The following COL8A1 variants were observed in gnomAD, a reference collection of about 807,000 sequenced individuals.
COL8A1 encodes collagen type VIII alpha 1 chain.
COL8A1 carries 21 observed loss-of-function variants against 42.7 expected under a neutral mutation model. The observed-to-expected ratio is 0.49, with a 90% CI of 0.35 to 0.71. The LOEUF (loss-of-function observed/expected upper bound fraction) is 0.71, where lower values mean the gene tolerates loss of function less well. COL8A1 is among the 30% of genes least tolerant of loss of function. The probability of loss-of-function intolerance (pLI) is 0.01; values close to 1 mark genes in which losing one functional copy is unlikely to be tolerated. For missense variants in COL8A1, 788 were observed against 962.4 expected (o/e 0.82, Z 2.40); for synonymous variants, 367 against 369.1 (o/e 0.99, Z 0.06).
chr3:99,699,700 A>C (rs6779634), intron 1 of COL8A1, among the ~76,000 whole-genome samples: 14,636 of 152,192 alleles, frequency 0.096, 864 homozygotes, highest in Middle Eastern at 0.12. Flanking sequence ...TCTAGGGAAA[A>C]AACCGAGCTA....
At chr3:99,741,686 G>A (rs1940904349) in intron 1 of COL8A1, among the ~76,000 whole-genome samples, 1 of 152,160 alleles carries the variant, frequency 6.6e-6, no homozygotes, top group African/African-American at 2.4e-5. Context: ...GGCTTCTCCT[G>A]CGTAGTGGTC....
chr3:99,749,649 T>G (rs906183977), intron 2 of COL8A1, among the ~76,000 whole-genome samples: 1 of 152,202 alleles, frequency 6.6e-6, no homozygotes, highest in African/African-American at 2.4e-5. Flanking sequence ...ATCTTTATAG[T>G]GCTATTCCTG....
intron 1 of COL8A1, among the ~76,000 whole-genome samples, chr3:99,708,856 C>CTTTCTAT (rs889151404): frequency 6.6e-6 from 1 of 152,054 alleles, no homozygotes; most frequent in African/African-American, 2.4e-5. Flanking sequence ...ACTTTTCTTT[C>CTTTCTAT]TTTCTATTTT....
intron 1 of COL8A1, among the ~76,000 whole-genome samples, chr3:99,708,621 C>T (rs116481622): frequency 1.3e-3 from 203 of 152,246 alleles, no homozygotes; most frequent in African/African-American, 4.5e-3. Context: ...TGAGATTTTA[C>T]AGTGGCTTTC....
At chr3:99,685,618 C>A (rs1220000561) in intron 1 of COL8A1, 2 of 152,074 alleles carry the variant, frequency 1.3e-5, no homozygotes, top group Non-Finnish European at 2.9e-5. Context: ...TGTTGGTTTT[C>A]CATTTAGAAT....
chr3:99,658,884 G>A (rs1383384608), intron 1 of COL8A1, among the ~76,000 whole-genome samples: 1 of 152,098 alleles, frequency 6.6e-6, no homozygotes, highest in Non-Finnish European at 1.5e-5. Context: ...CTCATTGTGG[G>A]CAAAGTTTCC....
At chr3:99,733,118 CTTT>C (rs71130093) in intron 1 of COL8A1, among the ~76,000 whole-genome samples, 1 of 132,320 alleles carries the variant, frequency 7.6e-6, no homozygotes, top group Non-Finnish European at 1.6e-5. Context: ...CAGCTTTTTT[CTTT>C]TTTTTTTTTT....
chr3:99,785,718 A>G (rs1393690099), intron 2 of COL8A1, among the ~76,000 whole-genome samples: 1 of 152,210 alleles, frequency 6.6e-6, no homozygotes, highest in Admixed American at 6.5e-5. Context: ...ACACAGACAC[A>G]TGGAAGAAAG....
At chr3:99,715,548 C>T (rs151263919) in intron 1 of COL8A1, among the ~76,000 whole-genome samples, 31 of 152,096 alleles carry the variant, frequency 2.0e-4, no homozygotes, top group African/African-American at 6.7e-4. Flanking sequence ...CCATTTTATC[C>T]ATGTTGTCCT....
At chr3:99,717,560 G>A (rs1219321223) in intron 1 of COL8A1, among the ~76,000 whole-genome samples, 1 of 151,972 alleles carries the variant, frequency 6.6e-6, no homozygotes, top group Non-Finnish European at 1.5e-5. Flanking sequence ...TGCTCAGAGT[G>A]CCACTAGAAA....
At chr3:99,722,133 A>C (rs1173460415) in intron 1 of COL8A1, among the ~76,000 whole-genome samples, 1 of 152,104 alleles carries the variant, frequency 6.6e-6, no homozygotes, top group African/African-American at 2.4e-5. Context: ...AGTTTTTGAA[A>C]TAAAGGAATT....
chr3:99,685,341 T>A (rs887325859), intron 1 of COL8A1: 1 of 152,214 alleles, frequency 6.6e-6, no homozygotes, highest in Non-Finnish European at 1.5e-5. Context: ...ATTTTCTATG[T>A]AGAATCATGA....
Position 99,798,292 on chromosome 3 carries a change from C to G in COL8A1, c.*2156C>G, listed in dbSNP as rs1434935394. 1 of 152,146 alleles carries G rather than the reference C, an allele frequency of 6.6e-6. No individual in the cohort carries two copies. The highest frequency in any genetic ancestry group is 1.5e-5 in the Non-Finnish European group (1 of 68,042). The allele number at this position is 152,146 out of a possible 1,614,324, so 9.4% of individuals were successfully genotyped here. On this transcript the variant is annotated 3_prime_UTR_variant, in exon 4 of 4. Transcript: ENST00000652472. ...TCTTTTCCCAACAAAAAGATGTCCT[C>G]CACAACCTTTGTTTTCAAAGCAGAC...
chr3:99,658,129 CA>C lies in COL8A1; in HGVS notation c.-129+19478del, dbSNP rs74267789. Among the ~76,000 whole-genome samples the C allele has an allele frequency of 2.6e-3, 337 of 129,550 alleles. 2 individuals are homozygous for C. Among genetic ancestry groups the C allele is most frequent in the African/African-American group, 5.7e-3 (198 of 35,024 alleles). 85.0% of individuals were successfully genotyped at this position (129,550 alleles called of 152,430 possible). ...GACTCCATCTCAAAAAAACAAAAAA[CA>C]AAAAAAAAAAAACACCTTTCAAAGA... On this transcript the variant is annotated intron_variant, in intron 1 of 3. Transcript: ENST00000652472.
chr3:99,792,716 T>G (rs1037802522), intron 3 of COL8A1, among the ~76,000 whole-genome samples: 8 of 152,234 alleles, frequency 5.3e-5, no homozygotes, highest in African/African-American at 1.9e-4. Context: ...AGTCAAGCTC[T>G]CGACTTCATC....
At chr3:99,721,841 T>C (rs929742300) in intron 1 of COL8A1, among the ~76,000 whole-genome samples, 1 of 151,726 alleles carries the variant, frequency 6.6e-6, no homozygotes, top group African/African-American at 2.4e-5. Flanking sequence ...GAAGAGTCTA[T>C]CTGCCTTTAT....
chr3:99,669,145 ATAGAGG>A (rs1414967773), intron 1 of COL8A1, among the ~76,000 whole-genome samples: 42 of 117,928 alleles, frequency 3.6e-4, no homozygotes, highest in Admixed American at 7.4e-4. Context: ...ATATATATAT[ATAGAGG>A]GAGAGAGAGA....
At chr3:99,790,584 T>C in intron 2 of COL8A1, 96 bp from the exon 3 acceptor site, 2 of 928,438 alleles carry the variant, frequency 2.2e-6, no homozygotes, top group East Asian at 5.2e-5. Flanking sequence ...TGTTAAAGAC[T>C]GTTTCCCTTT....
intron 2 of COL8A1, among the ~76,000 whole-genome samples, chr3:99,789,011 C>T (rs761932751): frequency 2.0e-4 from 30 of 152,052 alleles, no homozygotes; most frequent in Non-Finnish European, 2.8e-4. Flanking sequence ...TTATATTCAT[C>T]TTAGTAATCC....
Sources: allele counts gnomAD v4.1 joint callset (sites outside exome capture counted in the v4.1 genomes callset), GRCh38; gene constraint gnomAD v4.1.1; transcripts MANE v1.5; gene names NCBI Gene and HGNC (gene_info 2026-07-23, HGNC 2026-07-21).